The following PTCH1 variants were observed in gnomAD, a reference collection of about 807,000 sequenced individuals.
PTCH1 encodes the protein patched 1.
A neutral mutation model predicts 144.6 loss-of-function variants in PTCH1; 14 were observed. The ratio of observed to expected loss-of-function variants is 0.10; its 90% confidence interval spans 0.06 to 0.15. PTCH1 has a LOEUF of 0.15. PTCH1 is among the 10% of genes least tolerant of loss of function. PTCH1 has a pLI of 1.00. For synonymous variants in PTCH1, 833 were observed against 793.6 expected, an observed-to-expected ratio of 1.05 and a Z score of -0.83; for missense variants, 1,623 against 1,948.3, an observed-to-expected ratio of 0.83 and a Z score of 3.14.
rs1837784023 is a variant in PTCH1 at position 95,445,228 on chromosome 9, T to C, written c.*1165A>G. 6.6e-6 allele frequency: 1 copy of C among 152,140 alleles called. No individual in the cohort carries two copies. The allele number at this position is 152,140 out of a possible 1,614,324, so 9.4% of individuals were successfully genotyped here. On this transcript the variant is annotated 3_prime_UTR_variant, in exon 24 of 24. Transcript: ENST00000331920. ...TCAAAACATCATTTCTGGGAGACTG[T>C]GGGCCAAGAAAGAATTAACTAAATA...
At chr9:95,475,894 G>T in intron 12 of PTCH1, 140 bp downstream of exon 12, 1 of 1,366,486 alleles carries the variant, frequency 7.3e-7, no homozygotes, top group Non-Finnish European at 1.0e-6. Flanking sequence ...CATCCACCCA[G>T]TTAAACAGAG....
Position 95,490,568 on chromosome 9 carries a change from A to G in PTCH1, c.395-4694T>C, listed in dbSNP as rs578231753. Among the ~76,000 whole-genome samples, 281 of 149,064 alleles carry G rather than the reference A, an allele frequency of 1.9e-3. 2 individuals carry two copies. Among genetic ancestry groups the G allele is most frequent in the African/African-American group, 6.7e-3 (262 of 39,194 alleles). ...ACACACACACACACAAAAGAAAGAT[A>G]GATATGAGAGCTACTTGGTAGAGAT... is the stretch of plus-strand genomic sequence containing the variant. On this transcript the variant is annotated intron_variant, in intron 2 of 23. Transcript: ENST00000331920.
intron 23 of PTCH1, 165 bp from the exon 24 acceptor site, chr9:95,446,556 T>TG (rs1837908701): frequency 1.1e-5 from 5 of 440,192 alleles, no homozygotes; most frequent in South Asian, 9.1e-5. Context: ...TCCCTTCATC[T>TG]GGGGGCTGGT....
chr9:95,449,769 A>C lies in PTCH1; in HGVS notation c.3549+72T>G. On this transcript the variant is annotated intron_variant, in intron 21 of 23. Transcript: ENST00000331920. This position sits in a 1 kb window ranked among gnomAD's most constrained non-coding sequence, Gnocchi z 5.3. ...CAAGTGGGGAGGCACCTAAGTATCG[A>C]AGTGAAGAGCGGCACAGGAAACACA... is the stretch of plus-strand genomic sequence containing the variant. The C allele has an allele frequency of 7.2e-7, 1 of 1,383,492 alleles. No homozygotes were observed. The highest frequency in any genetic ancestry group is 1.0e-6 in the Non-Finnish European group (1 of 977,168). The allele number at this position is 1,383,492 out of a possible 1,614,324, so 85.7% of individuals were successfully genotyped here. A position where few individuals can be genotyped will look rare whatever the true frequency, so the allele number is the denominator to read the frequency against.
intron 2 of PTCH1, among the ~76,000 whole-genome samples, chr9:95,505,455 T>A (rs1272424834): frequency 6.6e-6 from 1 of 152,218 alleles, no homozygotes; most frequent in East Asian, 1.9e-4. Context: ...GGGAAAAAAA[T>A]TGAAACCTTT....
intron 16 of PTCH1, among the ~76,000 whole-genome samples, chr9:95,461,172 A>C (rs1377346095): frequency 6.6e-6 from 1 of 152,154 alleles, no homozygotes; most frequent in Non-Finnish European, 1.5e-5. Flanking sequence ...CAGAACCAAA[A>C]GGGGTATGCT....
chr9:95,459,916 G>A (rs535846956), intron 16 of PTCH1, 133 bp from the exon 17 acceptor site: 6 of 971,170 alleles, frequency 6.2e-6, no homozygotes, highest in African/African-American at 1.6e-5. Context: ...TGAAAGTGTC[G>A]AAAATCCCAT....
intron 2 of PTCH1, among the ~76,000 whole-genome samples, chr9:95,490,560 AG>A (rs1842327071): frequency 1.5e-5 from 2 of 134,386 alleles, no homozygotes; most frequent in South Asian, 2.2e-4. Context: ...CACACACAAA[AG>A]AAAGATAGAT....
chr9:95,500,284 G>A (rs758808073), intron 2 of PTCH1, among the ~76,000 whole-genome samples: 8 of 152,120 alleles, frequency 5.3e-5, no homozygotes, highest in Non-Finnish European at 7.4e-5. Context: ...GGGAGGATTC[G>A]CAGGGTCAAC....
intron 19 of PTCH1, among the ~76,000 whole-genome samples, chr9:95,455,005 A>G (rs915522489): frequency 6.6e-6 from 1 of 152,230 alleles, no homozygotes; most frequent in Non-Finnish European, 1.5e-5. Flanking sequence ...CTCACATGCA[A>G]ATTTATCTCC....
Position 95,467,109 on chromosome 9 carries a change from G to A in PTCH1, c.2560+7C>T, listed in dbSNP as rs75576651. 1.9e-4 allele frequency: 306 copies of A among 1,614,070 alleles called. 2 individuals are homozygous for A. In the East Asian group the frequency reaches 5.4e-3, roughly 29 times the overall value. ...CGAAAGGACGAGAGCCTCCCACGCCGTCTTACCCTGAAGCCAGTCTCTGAA... is the reference window on the plus strand; with the variant it reads ...CGAAAGGACGAGAGCCTCCCACGCCATCTTACCCTGAAGCCAGTCTCTGAA... On this transcript the variant is annotated splice_region_variant and intron_variant, in intron 15 of 23. Coordinates refer to ENST00000331920, the MANE Select transcript of PTCH1 (RefSeq NM_000264.5).
At chr9:95,468,613 A>C (rs548210670) in intron 14 of PTCH1, 138 bp downstream of exon 14, 2 of 1,146,308 alleles carry the variant, frequency 1.7e-6, no homozygotes, top group African/African-American at 3.1e-5. Context: ...TGACTTTTGG[A>C]GGACTGAAAT....
At chr9:95,483,710 C>T (rs1841753776) in intron 3 of PTCH1, 1 of 152,328 alleles carries the variant, frequency 6.6e-6, no homozygotes, top group Non-Finnish European at 1.5e-5. Flanking sequence ...TGATGTCTTT[C>T]CTCTCTTTGA....
At chr9:95,506,208 C>T in intron 2 of PTCH1, 199 bp downstream of exon 2, 2 of 603,014 alleles carry the variant, frequency 3.3e-6, no homozygotes, top group Non-Finnish European at 5.5e-6. Flanking sequence ...CGGCGCAGCG[C>T]CCCGAGTAGA....
rs937680254 is a variant in PTCH1 at position 95,472,485 on chromosome 9, A to G, written c.1729-2554T>C. ...GGTAGGATTCTAACGGAGATTTTCC[A>G]GATGTCATCCTGGGGGCCGAATCCT... On this transcript the variant is annotated intron_variant, in intron 12 of 23. Transcript: ENST00000331920. Among the ~76,000 whole-genome samples, 4 of 152,204 alleles carry G rather than the reference A, an allele frequency of 2.6e-5. No individual in the cohort carries two copies. The East Asian group carries it at 7.7e-4, about 29-fold the overall frequency.
Position 95,499,484 on chromosome 9 carries a change from G to A in PTCH1, c.394+6923C>T, listed in dbSNP as rs28489210. Among the ~76,000 whole-genome samples the A allele has an allele frequency of 8.3e-3, 1,260 of 151,582 alleles. 12 individuals are homozygous for A. The highest frequency in any genetic ancestry group is 0.015 in the Non-Finnish European group (1,022 of 67,912). ...CGTGGGCAGGTTAGAGTGGGTGGGC[G>A]GGAGAAGGGGCAGGAGGGAAGGGGG... On this transcript the variant is annotated intron_variant, in intron 2 of 23. Coordinates refer to ENST00000331920, the MANE Select transcript of PTCH1 (RefSeq NM_000264.5).
At chr9:95,456,233 G>A (rs761303250) in intron 19 of PTCH1, 43 bp downstream of exon 19, 19 of 1,609,804 alleles carry the variant, frequency 1.2e-5, no homozygotes, top group Non-Finnish European at 1.5e-5. Flanking sequence ...AGAGGAAATG[G>A]GTTGTTTTTT....
intron 1 of PTCH1, chr9:95,506,820 A>G (rs1438013017): frequency 1.8e-6 from 2 of 1,129,442 alleles, no homozygotes; most frequent in African/African-American, 1.6e-5. Flanking sequence ...CACCTCGGGG[A>G]CATCAGGGCG....
At chr9:95,504,130 G>A (rs1486395380) in intron 2 of PTCH1, among the ~76,000 whole-genome samples, 1 of 148,872 alleles carries the variant, frequency 6.7e-6, no homozygotes, top group Admixed American at 6.9e-5. Flanking sequence ...CCTGGTACAT[G>A]GCAGTTGCTC....
Sources: gnomAD v4.1 joint callset for allele counts (sites outside exome capture counted in the v4.1 genomes callset) on GRCh38, gnomAD v4.1.1 for gene constraint, Gnocchi (gnomAD v3.1) non-coding constraint, MANE v1.5 for transcripts, NCBI Gene and HGNC (gene_info 2026-07-23, HGNC 2026-07-21) for gene names.